The following GGA3 variants were observed in gnomAD, a reference collection of about 807,000 sequenced individuals.
GGA3 encodes the protein golgi associated, gamma adaptin ear containing, ARF binding protein 3.
In GGA3, 57 loss-of-function variants were observed where a neutral mutation model predicts 77.5. The ratio of observed to expected loss-of-function variants is 0.74; its 90% CI spans 0.59 to 0.92. The LOEUF (loss-of-function observed/expected upper bound fraction) is 0.92, where lower values mean the gene tolerates loss of function less well. Among genes scored for constraint, GGA3 ranks in the 40% least tolerant of loss-of-function variants. GGA3 has a pLI of 0.00. For synonymous variants in GGA3, 416 were observed against 383.7 expected, an observed-to-expected ratio of 1.08 and a Z score of -0.98; for missense variants, 970 against 914.9, an observed-to-expected ratio of 1.06 and a Z score of -0.78.
At chr17:75,238,430 C>T (rs759282366) in intron 16 of GGA3, 41 bp from the exon 17 acceptor site, 6 of 1,558,540 alleles carry the variant, frequency 3.8e-6, no homozygotes, top group Middle Eastern at 1.7e-4. Flanking sequence ...CCCAGGCGGC[C>T]CCTTGGCAGG....
upstream of GGA3, chr17:75,262,158 G>C (rs1408065454): frequency 1.3e-6 from 1 of 764,768 alleles, no homozygotes; most frequent in African/African-American, 1.8e-5. Flanking sequence ...ACTACCTCTC[G>C]CCTAAGGAGT....
chr17:75,254,608 TA>T (rs1224772559), intron 1 of GGA3, among the ~76,000 whole-genome samples: 1 of 152,132 alleles, frequency 6.6e-6, no homozygotes, highest in Non-Finnish European at 1.5e-5. Flanking sequence ...CGACATTAAA[TA>T]AAACTCCAAA....
At chr17:75,246,018 A>C (rs2076743959) in intron 3 of GGA3, among the ~76,000 whole-genome samples, 1 of 152,306 alleles carries the variant, frequency 6.6e-6, no homozygotes, top group South Asian at 2.1e-4. Flanking sequence ...TCCACACCTT[A>C]AATTCCCTCA....
intron 1 of GGA3, chr17:75,248,779 C>G: frequency 1.2e-6 from 1 of 865,758 alleles, no homozygotes. Flanking sequence ...AGTGAAAACT[C>G]TGTCTAAAAA....
intron 1 of GGA3, 139 bp downstream of exon 1, chr17:75,261,409 C>T (rs1445415713): frequency 1.7e-5 from 10 of 576,002 alleles, no homozygotes; most frequent in Non-Finnish European, 2.4e-5. Context: ...GGCGTGATCG[C>T]AGGCTGCTCG....
chr17:75,251,148 G>C (rs1222259240), intron 1 of GGA3, among the ~76,000 whole-genome samples: 3 of 152,086 alleles, frequency 2.0e-5, no homozygotes, highest in Non-Finnish European at 2.9e-5. Flanking sequence ...GCTGGAAAGG[G>C]AATAAAGGTC....
At chr17:75,239,167 C>G in intron 14 of GGA3, 84 bp from the exon 15 acceptor site, 1 of 1,312,824 alleles carries the variant, frequency 7.6e-7, no homozygotes, top group South Asian at 1.3e-5. Context: ...AAGGGCTACT[C>G]CGTGGTCATG....
chr17:75,246,749 TTATG>T lies in GGA3; in HGVS notation c.84_87del (p.Tyr28Ter). The T allele has an allele frequency of 6.2e-7, 1 of 1,613,932 alleles. No homozygotes were observed. Among genetic ancestry groups the T allele is most frequent in the Non-Finnish European group, 8.5e-7 (1 of 1,179,934 alleles). ...TTGTTGATCTGATCACAGAAGCCAA[TTATG>T]TATTCCCAGTCCTCCTGGCGGTTGG... is the stretch of plus-strand genomic sequence containing the variant. On this transcript the variant is annotated frameshift_variant, in exon 2 of 17. Coordinates refer to ENST00000537686, the MANE Select transcript of GGA3 (RefSeq NM_138619.4). LOFTEE classifies it high-confidence loss of function.
intron 1 of GGA3, among the ~76,000 whole-genome samples, chr17:75,255,581 T>G (rs147251787): frequency 9.3e-4 from 141 of 152,368 alleles, no homozygotes; most frequent in African/African-American, 3.3e-3. Flanking sequence ...CACAGTATGC[T>G]TTGAAAGGAG....
chr17:75,247,263 A>T (rs997696697), intron 1 of GGA3, among the ~76,000 whole-genome samples: 40 of 145,874 alleles, frequency 2.7e-4, no homozygotes, highest in African/African-American at 8.7e-4. Context: ...GTAACCACAA[A>T]TTTTTTTTTT....
chr17:75,248,790 AAAAACAAAAACAAAAACAAAAAAAAC>A (rs1310598846), intron 1 of GGA3: 3 of 794,984 alleles, frequency 3.8e-6, no homozygotes, highest in Admixed American at 2.3e-4. Flanking sequence ...TGTCTAAAAA[AAAAACAAAAACAAAAACAAAAAAAAC>A]AAAACAAAAA....
rs376620093 is a variant in GGA3, at chr17:75,243,541, C to T, written c.330G>A (p.Val110=). 9.9e-6 allele frequency: 16 copies of T among 1,614,112 alleles called. No homozygotes were observed. Among genetic ancestry groups the T allele is most frequent in the Non-Finnish European group, 1.3e-5 (15 of 1,179,982 alleles). Residue 110 remains valine, a synonymous_variant, in exon 5 of 17, where the codon GTG becomes GTA. Coordinates refer to ENST00000537686, the MANE Select transcript of GGA3 (RefSeq NM_138619.4). Reference sequence around the variant, plus strand: ...ACAGCAGCTCAATAACCTTGGTCTTCACTTTCTCAGACACCCTGTCCCCCA... The same window carrying T: ...ACAGCAGCTCAATAACCTTGGTCTTTACTTTCTCAGACACCCTGTCCCCCA... ...KYLGDRVSEK[V]KTKVIELLYS...
rs756062253 is a variant in GGA3 at position 75,260,815 on chromosome 17, G to A, written c.40+733C>T. ...CACTGTAATTCACAGTGCAATGACA[G>A]CAATACGCTTCTATAACTACAGCTT... On this transcript the variant is annotated intron_variant, in intron 1 of 16. Coordinates refer to ENST00000537686, the MANE Select transcript of GGA3 (RefSeq NM_138619.4). Among the ~76,000 whole-genome samples the A allele has an allele frequency of 7.2e-5, 11 of 151,940 alleles. No homozygotes were observed. The South Asian group carries it at 1.0e-3, about 14-fold the overall frequency.
rs145442317 is a variant in GGA3, at chr17:75,239,005, C to G, written c.1859G>C (p.Gly620Ala). ...CACCACCACCAGCACGTCAGGTCGT[C>G]CTGGGGGACACTCCTTGGCAAAGTG... ...LFHFAKECPP[G>A]RPDVLVVVVS... The change falls in exon 15 of 17, where the codon GGA (glycine) becomes GCA (alanine). Residue 620 changes from glycine to alanine, a missense_variant. Physicochemically the swap from Gly to Ala is moderately conservative, Grantham distance 60. Transcript: ENST00000537686. 5 of 1,614,052 alleles carry G rather than the reference C, an allele frequency of 3.1e-6. No homozygotes were observed. Among genetic ancestry groups the G allele is most frequent in the Non-Finnish European group, 4.2e-6 (5 of 1,179,968 alleles).
intron 5 of GGA3, 113 bp from the exon 6 acceptor site, chr17:75,243,279 G>T: frequency 9.1e-7 from 1 of 1,103,080 alleles, no homozygotes. Flanking sequence ...TAGCAGGGTG[G>T]AGGGCAGGCT....
intron 1 of GGA3, among the ~76,000 whole-genome samples, chr17:75,258,903 A>C (rs1598457874): frequency 7.0e-6 from 1 of 142,382 alleles, no homozygotes; most frequent in African/African-American, 2.6e-5. Flanking sequence ...CTCTTCCCCC[A>C]TCCCCAGTTC....
upstream of GGA3, chr17:75,261,884 C>T (rs1372138897): frequency 2.5e-6 from 4 of 1,606,506 alleles, no homozygotes; most frequent in Non-Finnish European, 3.4e-6. Context: ...CTTGTGGGGT[C>T]CTCGTGGCCA....
rs1375037021 is a variant in GGA3, at chr17:75,236,857, T to C, written c.*1422A>G. The stretch of plus-strand genomic sequence containing the variant: ...TGAAAAATGATTCACTTTTGACTTG[T>C]CCTCTTCTAATGAAGCAGTGAAACC... On this transcript the variant is annotated 3_prime_UTR_variant, in exon 17 of 17. Transcript: ENST00000537686. 6.5e-6 allele frequency: 1 copy of C among 154,824 alleles called. No individual in the cohort carries two copies. Among genetic ancestry groups the C allele is most frequent in the Non-Finnish European group, 1.4e-5 (1 of 69,320 alleles). The allele number at this position is 154,824 out of a possible 1,614,324, so 9.6% of individuals were successfully genotyped here. A position where few individuals can be genotyped will look rare whatever the true frequency, so the allele number is the denominator to read the frequency against.
chr17:75,240,341 C>T lies in GGA3; in HGVS notation c.1263+1G>A, dbSNP rs2076499960. 2 of 1,586,936 alleles carry T rather than the reference C, an allele frequency of 1.3e-6. No homozygotes were observed. Among genetic ancestry groups the T allele is most frequent in the African/African-American group, 1.3e-5 (1 of 74,660 alleles). ...TGCTGTCACCGATCCTGTGCCCCTA[C>T]CTGGAGCAGGTGCCACTGGCTGTTC... is the stretch of plus-strand genomic sequence containing the variant. On this transcript the variant is annotated splice_donor_variant, in intron 12 of 16. Coordinates refer to ENST00000537686, the MANE Select transcript of GGA3 (RefSeq NM_138619.4). LOFTEE classifies it high-confidence loss of function.
Sources: allele counts gnomAD v4.1 joint callset (sites outside exome capture counted in the v4.1 genomes callset), GRCh38; gene constraint gnomAD v4.1.1; transcripts MANE v1.5; gene names NCBI Gene and HGNC (gene_info 2026-07-23, HGNC 2026-07-21).